ADAM2: variants seen among roughly 807,000 people sequenced by gnomAD.
ADAM2 encodes the protein ADAM metallopeptidase domain 2.
In ADAM2, 101 loss-of-function variants were observed where a neutral mutation model predicts 99.3. The observed-to-expected ratio is 1.02, with a 90% CI of 0.87 to 1.20. The LOEUF (loss-of-function observed/expected upper bound fraction) is 1.20. ADAM2 is among the 50% of genes most tolerant of loss of function. The pLI is 0.00. For synonymous variants in ADAM2, 323 were observed against 287.6 expected (o/e 1.12, Z -1.25); for missense variants, 948 against 878.7 (o/e 1.08, Z -1.00).
chr8:39,758,482 T>G (rs1386515309), intron 15 of ADAM2, among the ~76,000 whole-genome samples: 1 of 151,924 alleles, frequency 6.6e-6, no homozygotes, highest in Non-Finnish European at 1.5e-5. Flanking sequence ...TATACAGGAA[T>G]TATTTGCACT....
chr8:39,748,830 C>T (rs1054681690), intron 18 of ADAM2, among the ~76,000 whole-genome samples: 14 of 152,122 alleles, frequency 9.2e-5, no homozygotes, highest in African/African-American at 3.1e-4. Flanking sequence ...ATTCTCTATA[C>T]CTCCAGCTCA....
intron 6 of ADAM2, among the ~76,000 whole-genome samples, chr8:39,819,594 T>C (rs1341539064): frequency 1.3e-5 from 2 of 152,138 alleles, no homozygotes; most frequent in East Asian, 3.8e-4. Flanking sequence ...CTCTTCATTA[T>C]GTGGGTGAAC....
chr8:39,771,296 G>A (rs916512126), intron 11 of ADAM2, among the ~76,000 whole-genome samples: 1 of 151,948 alleles, frequency 6.6e-6, no homozygotes, highest in African/African-American at 2.4e-5. Context: ...TAAAAATACC[G>A]CTTCCTTACT....
At chr8:39,756,057 C>T in intron 15 of ADAM2, 146 bp from the exon 16 acceptor site, 1 of 479,196 alleles carries the variant, frequency 2.1e-6, no homozygotes, top group Non-Finnish European at 3.6e-6. Flanking sequence ...AAAAAAGAGC[C>T]TTGCCTAAAT....
intron 6 of ADAM2, among the ~76,000 whole-genome samples, chr8:39,816,849 A>G (rs1804963601): frequency 6.6e-6 from 1 of 152,218 alleles, no homozygotes; most frequent in African/African-American, 2.4e-5. Context: ...CAAGTTTGCC[A>G]CCATAATATG....
At chr8:39,818,941 A>G (rs1194782108) in intron 6 of ADAM2, among the ~76,000 whole-genome samples, 1 of 152,096 alleles carries the variant, frequency 6.6e-6, no homozygotes, top group Non-Finnish European at 1.5e-5. Context: ...GGACAGAGTT[A>G]ATATTGTTAA....
intron 11 of ADAM2, among the ~76,000 whole-genome samples, chr8:39,770,110 T>C (rs751286738): frequency 2.0e-5 from 3 of 151,960 alleles, no homozygotes; most frequent in Non-Finnish European, 4.4e-5. Context: ...CACGACCTAC[T>C]AATTTTTGTA....
chr8:39,767,599 T>G (rs1421062784), intron 12 of ADAM2, among the ~76,000 whole-genome samples: 4 of 152,164 alleles, frequency 2.6e-5, no homozygotes, highest in Non-Finnish European at 5.9e-5. Context: ...AGTTATAATT[T>G]AAAAATTATA....
chr8:39,759,547 A>C (rs1802273759), intron 15 of ADAM2, among the ~76,000 whole-genome samples: 1 of 152,204 alleles, frequency 6.6e-6, no homozygotes, highest in South Asian at 2.1e-4. Context: ...TTATGTAAGA[A>C]AATATCTTTA....
chr8:39,807,670 T>A (rs1240852341), intron 7 of ADAM2, among the ~76,000 whole-genome samples: 1 of 152,110 alleles, frequency 6.6e-6, no homozygotes, highest in Non-Finnish European at 1.5e-5. Flanking sequence ...AAGACAGCCC[T>A]CACCAGAATG....
chr8:39,771,520 G>A (rs1802778133), intron 11 of ADAM2, among the ~76,000 whole-genome samples: 1 of 151,998 alleles, frequency 6.6e-6, no homozygotes, highest in Admixed American at 6.6e-5. Context: ...TTATAATCAC[G>A]ATGGCCTATA....
intron 3 of ADAM2, among the ~76,000 whole-genome samples, chr8:39,830,315 C>T (rs1043031056): frequency 1.3e-5 from 2 of 152,080 alleles, no homozygotes; most frequent in Non-Finnish European, 2.9e-5. Flanking sequence ...GGGTAATAAA[C>T]TGGCCCATAG....
chr8:39,824,379 A>C (rs1805317011), intron 4 of ADAM2, among the ~76,000 whole-genome samples: 1 of 152,074 alleles, frequency 6.6e-6, no homozygotes, highest in African/African-American at 2.4e-5. Context: ...ACATTAAATT[A>C]AGCTCTACAT....
intron 12 of ADAM2, 85 bp from the exon 13 acceptor site, chr8:39,767,336 T>C (rs1802612639): frequency 8.7e-7 from 1 of 1,145,616 alleles, no homozygotes; most frequent in Admixed American, 2.2e-5. Context: ...ACATATTATA[T>C]AACATACACA....
intron 10 of ADAM2, among the ~76,000 whole-genome samples, chr8:39,786,347 C>A (rs1034038142): frequency 1.3e-5 from 2 of 152,074 alleles, no homozygotes; most frequent in Admixed American, 6.6e-5. Flanking sequence ...CTCTTTATTG[C>A]TTCACTTAGC....
chr8:39,785,173 T>A (rs1378672354), intron 10 of ADAM2, among the ~76,000 whole-genome samples: 1 of 152,222 alleles, frequency 6.6e-6, no homozygotes, highest in African/African-American at 2.4e-5. Context: ...TAGAACCCCT[T>A]ATAGTCTGAG....
intron 8 of ADAM2, 129 bp from the exon 9 acceptor site, chr8:39,788,380 A>C (rs1355809003): frequency 1.7e-6 from 1 of 586,140 alleles, no homozygotes; most frequent in Non-Finnish European, 2.7e-6. Context: ...CATCTTTTAA[A>C]GTAGATTAGT....
chr8:39,777,240 C>T lies in ADAM2; in HGVS notation c.892-79G>A, dbSNP rs146763997. 2.0e-3 allele frequency: 2,457 copies of T among 1,218,224 alleles called. 30 individuals carry two copies. The African/African-American group carries it at 0.033, about 16-fold the overall frequency. 75.5% of individuals were successfully genotyped at this position (1,218,224 alleles called of 1,614,324 possible). A position where few individuals can be genotyped will look rare whatever the true frequency, so the allele number is the denominator to read the frequency against. ...AGAACAATGCAATTATTAAAGATCA[C>T]ATGATAAAATGGAATAGGGGCATCT... On this transcript the variant is annotated intron_variant, in intron 10 of 20. Transcript: ENST00000265708.
At chr8:39,810,264 G>A (rs1185707974) in intron 6 of ADAM2, among the ~76,000 whole-genome samples, 1 of 152,150 alleles carries the variant, frequency 6.6e-6, no homozygotes, top group African/African-American at 2.4e-5. Flanking sequence ...GCCAAATACA[G>A]GAGCACCCAG....
Sources: gnomAD v4.1 joint callset for allele counts (sites outside exome capture counted in the v4.1 genomes callset) on GRCh38, gnomAD v4.1.1 for gene constraint, MANE v1.5 for transcripts, NCBI Gene and HGNC (gene_info 2026-07-23, HGNC 2026-07-21) for gene names.